TJP3: variants seen among roughly 807,000 people sequenced by gnomAD.
The protein encoded by TJP3 is tight junction protein 3.
TJP3 carries 85 observed loss-of-function variants against 104.2 expected under a neutral mutation model. That is an observed-to-expected ratio of 0.82 (90% CI 0.68 to 0.98). The LOEUF is 0.98. Ranked by LOEUF, TJP3 falls within the 50% of genes least tolerant of loss-of-function variation. The pLI, the probability that TJP3 is intolerant of heterozygous loss-of-function variation, is 0.00. For synonymous variants in TJP3, 550 were observed against 550.6 expected, an observed-to-expected ratio of 1.00 and a Z score of 0.02; for missense variants, 1,367 against 1,322.8, an observed-to-expected ratio of 1.03 and a Z score of -0.52.
At chr19:3,739,205 G>T in intron 13 of TJP3, 71 bp downstream of exon 13, 1 of 1,392,730 alleles carries the variant, frequency 7.2e-7, no homozygotes, top group Non-Finnish European at 9.6e-7. Flanking sequence ...AAATGGGCTC[G>T]ATTGGGCTGG....
rs1324824009 is a variant in TJP3 at position 3,738,939 on chromosome 19, A to T, written c.1436A>T (p.Tyr479Phe). ...MVQSRVGDSF[Y>F]IRTHFELEPS... The stretch of plus-strand genomic sequence containing the variant: ...CAGTCCCGCGTGGGTGACTCCTTCT[A>T]CATCCGCACTCACTTTGAGCTGGAG... Residue 479 changes from tyrosine to phenylalanine, a missense_variant, in exon 13 of 21, where the codon TAC becomes TTC. Transcript: ENST00000541714. 6.2e-7 allele frequency: 1 copy of T among 1,612,030 alleles called. No individual in the cohort carries two copies. The highest frequency in any genetic ancestry group is 8.5e-7 in the Non-Finnish European group (1 of 1,179,062).
intron 1 of TJP3, among the ~76,000 whole-genome samples, chr19:3,726,551 T>G (rs6510767): frequency 6.6e-6 from 1 of 151,698 alleles, no homozygotes; most frequent in South Asian, 2.1e-4. Flanking sequence ...GTGAGCCAAG[T>G]TGGCACCATT....
intron 1 of TJP3, among the ~76,000 whole-genome samples, chr19:3,714,525 G>A (rs2036459872): frequency 6.6e-6 from 1 of 152,054 alleles, no homozygotes; most frequent in African/African-American, 2.4e-5. Flanking sequence ...CAGTGATGGG[G>A]CTGCAGAAGA....
intron 20 of TJP3, 137 bp downstream of exon 20, chr19:3,750,321 C>A: frequency 8.0e-7 from 1 of 1,243,166 alleles, no homozygotes. Flanking sequence ...GCCAGAGCCT[C>A]TCTAAGCCCC....
chr19:3,742,204 T>G (rs1042229574), intron 14 of TJP3, among the ~76,000 whole-genome samples: 3 of 150,814 alleles, frequency 2.0e-5, no homozygotes, highest in African/African-American at 7.3e-5. Context: ...GAGGCCAAGA[T>G]GGGTGGGTCA....
intron 1 of TJP3, among the ~76,000 whole-genome samples, chr19:3,713,655 T>C (rs1377004782): frequency 6.6e-6 from 1 of 152,316 alleles, no homozygotes; most frequent in East Asian, 1.9e-4. Flanking sequence ...ATCAGTTGGG[T>C]GTATAAAGGA....
rs140232165 is a variant in TJP3, at chr19:3,738,250, T to A, written c.1285-305T>A. ...TTCCATCGAGCTCCATGCCATGACC[T>A]CTGTTCCCATGTTTTGATATTGACA... On this transcript the variant is annotated intron_variant, in intron 11 of 20. Transcript: ENST00000541714. Among the ~76,000 whole-genome samples the A allele has an allele frequency of 1.6e-3, 239 of 152,356 alleles. 1 individual carries two copies. Among genetic ancestry groups the A allele is most frequent in the African/African-American group, 5.3e-3 (220 of 41,588 alleles).
At chr19:3,723,446 CT>C (rs1297717868) in intron 1 of TJP3, among the ~76,000 whole-genome samples, 3 of 152,112 alleles carry the variant, frequency 2.0e-5, no homozygotes, top group Non-Finnish European at 4.4e-5. Flanking sequence ...CAGAAACATA[CT>C]AACCGATGGT....
chr19:3,711,459 A>G (rs1427508679), intron 1 of TJP3, among the ~76,000 whole-genome samples: 3 of 151,556 alleles, frequency 2.0e-5, no homozygotes, highest in Non-Finnish European at 4.4e-5. Context: ...TCGGCCTCCC[A>G]AAGTGCTGGG....
chr19:3,713,375 TC>T lies in TJP3; in HGVS notation c.-10+4818del, dbSNP rs2036450144. 3.9e-5 allele frequency among the ~76,000 whole-genome samples: 6 copies of T among 152,190 alleles called. No homozygotes were observed. In the South Asian group the frequency reaches 1.2e-3, roughly 32 times the overall value. On this transcript the variant is annotated intron_variant, in intron 1 of 20. Coordinates refer to ENST00000541714, the MANE Select transcript of TJP3 (RefSeq NM_001267560.2). ...TGAGGGAAACAGCTGGTCCCCAATG[TC>T]CCCACATTGAGAGTTATTCTGCAAA...
chr19:3,714,902 C>G (rs561911800), intron 1 of TJP3, among the ~76,000 whole-genome samples: 1 of 152,200 alleles, frequency 6.6e-6, no homozygotes, highest in Non-Finnish European at 1.5e-5. Context: ...CCCAATCACA[C>G]GTCATATACT....
chr19:3,727,548 C>T (rs977332449), intron 1 of TJP3, among the ~76,000 whole-genome samples: 2 of 151,348 alleles, frequency 1.3e-5, no homozygotes, highest in African/African-American at 4.9e-5. Flanking sequence ...GTGTTTCATT[C>T]ATTCACTCAT....
At chr19:3,740,478 G>T (rs1290468303) in intron 13 of TJP3, 74 bp from the exon 14 acceptor site, 3 of 1,001,106 alleles carry the variant, frequency 3.0e-6, no homozygotes, top group Non-Finnish European at 2.7e-6. Context: ...GGCTCCGAGG[G>T]GTAGGACGAG....
At position 3,746,497 on chromosome 19, in the gene TJP3, C is replaced by A. The variant is rs772218328; in HGVS notation, c.2023C>A (p.Leu675Ile). ...RVIAEKDKHA[L>I]LDVTPSAIER... ...CGGCCTGGCCCAGGACAAGCATGCG[C>A]TCCTGGATGTGACCCCCTCCGCCAT... Residue 675 changes from leucine (L) to isoleucine (I), a missense_variant, in exon 17 of 21, where the codon CTC becomes ATC. Transcript: ENST00000541714. This position sits in a 1 kb window ranked among gnomAD's most constrained non-coding sequence, Gnocchi z 4.1. The A allele has an allele frequency of 6.2e-7, 1 of 1,613,910 alleles. No homozygotes were observed. Among genetic ancestry groups the A allele is most frequent in the South Asian group, 1.1e-5 (1 of 91,064 alleles).
rs2036920773 is a variant in TJP3, at chr19:3,747,814, C to A, written c.2343C>A (p.Asp781Glu). Residue 781 changes from aspartate to glutamate, a missense_variant, in exon 19 of 21, where the codon GAC becomes GAA. By Grantham distance (45) the Asp-to-Glu change is conservative. Coordinates refer to ENST00000541714, the MANE Select transcript of TJP3 (RefSeq NM_001267560.2). The stretch of plus-strand genomic sequence containing the variant: ...CACAGCTGGATGGCTCCTTGGAGGA[C>A]AACCTAGACCTCCCTCACCACGGCC... Reference protein sequence around the residue: ...AEDQLDGSLEDNLDLPHHGLA... With the variant: ...AEDQLDGSLEENLDLPHHGLA... The A allele has an allele frequency of 6.3e-7, 1 of 1,599,690 alleles. No individual in the cohort carries two copies. Among genetic ancestry groups the A allele is most frequent in the Admixed American group, 1.7e-5 (1 of 59,470 alleles).
chr19:3,748,257 A>G (rs2036933809), intron 19 of TJP3, among the ~76,000 whole-genome samples, 176 bp downstream of exon 19: 1 of 149,798 alleles, frequency 6.7e-6, no homozygotes, highest in South Asian at 2.1e-4. Context: ...GGCACTGAGT[A>G]ACTTGCAGCA....
chr19:3,718,110 G>T (rs976817912), intron 1 of TJP3, among the ~76,000 whole-genome samples: 1 of 150,654 alleles, frequency 6.6e-6, no homozygotes, highest in Non-Finnish European at 1.5e-5. Context: ...GGAGGCTGAG[G>T]CAGGAGAATG....
intron 6 of TJP3, among the ~76,000 whole-genome samples, chr19:3,732,422 C>A (rs1220936502): frequency 6.6e-6 from 1 of 152,090 alleles, no homozygotes; most frequent in African/African-American, 2.4e-5. Context: ...TGGATTCTTC[C>A]CCTGAAAGTC....
Position 3,746,923 on chromosome 19 carries a change from C to T in TJP3, c.2322+47C>T, listed in dbSNP as rs1329962326. 2.0e-6 allele frequency: 3 copies of T among 1,531,900 alleles called. No individual in the cohort carries two copies. The highest frequency in any genetic ancestry group is 1.8e-6 in the Non-Finnish European group (2 of 1,128,296). The allele number at this position is 1,531,900 out of a possible 1,614,324, so 94.9% of individuals were successfully genotyped here. A position where few individuals can be genotyped will look rare whatever the true frequency, so the allele number is the denominator to read the frequency against. On this transcript the variant is annotated intron_variant, in intron 18 of 20. Transcript: ENST00000541714. The surrounding 1 kb of genome is among the most constrained non-coding windows in gnomAD (Gnocchi z 4.1). ...GTCGGGCAGGGAGGCCCCACAGACG[C>T]TGTGCAGGCCCAGCTGGGGTTTGGG... is the stretch of plus-strand genomic sequence containing the variant.
Sources: gnomAD v4.1 joint callset for allele counts (sites outside exome capture counted in the v4.1 genomes callset) on GRCh38, gnomAD v4.1.1 for gene constraint, Gnocchi (gnomAD v3.1) non-coding constraint, MANE v1.5 for transcripts, NCBI Gene and HGNC (gene_info 2026-07-23, HGNC 2026-07-21) for gene names.